PCDHGA7: variants seen among roughly 807,000 people sequenced by gnomAD.
The protein encoded by PCDHGA7 is protocadherin gamma subfamily A, 7.
A neutral mutation model predicts 58.3 loss-of-function variants in PCDHGA7; 44 were observed. That is an observed-to-expected ratio of 0.75 (90% CI 0.59 to 0.97). PCDHGA7 has a LOEUF of 0.97. Ranked by LOEUF, PCDHGA7 falls within the 50% of genes least tolerant of loss-of-function variation. The probability of loss-of-function intolerance (pLI) is 0.00; values close to 1 mark genes in which losing one functional copy is unlikely to be tolerated. For synonymous variants in PCDHGA7, 516 were observed against 504.2 expected (o/e 1.02, Z -0.31); for missense variants, 1,266 against 1,188.7 (o/e 1.06, Z -0.96).
intron 1 of PCDHGA7, chr5:141,423,522 G>A: frequency 6.2e-7 from 1 of 1,613,850 alleles, no homozygotes; most frequent in South Asian, 1.1e-5. Context: ...CGGACTCGCA[G>A]AAGAGTCACC....
At chr5:141,433,362 T>C (rs1285511534) in intron 1 of PCDHGA7, 6 of 299,814 alleles carry the variant, frequency 2.0e-5, no homozygotes, top group Non-Finnish European at 2.5e-5. Flanking sequence ...TGTCTGCCTA[T>C]CTATCTATCT....
intron 3 of PCDHGA7, among the ~76,000 whole-genome samples, chr5:141,508,533 C>A (rs1396219805): frequency 6.6e-6 from 1 of 152,160 alleles, no homozygotes; most frequent in Non-Finnish European, 1.5e-5. Flanking sequence ...CAGGGCACCC[C>A]CCACGAGGTG....
Position 141,486,087 on chromosome 5 carries a change from T to G in PCDHGA7, c.2425-8720T>G. 4 of 1,614,176 alleles carry G rather than the reference T, an allele frequency of 2.5e-6. No individual in the cohort carries two copies. The highest frequency in any genetic ancestry group is 3.4e-6 in the Non-Finnish European group (4 of 1,180,028). ...CCCACTACTGGAAAGCTTACTCTTT[T>G]GGGGCCCCTAGACTTTGAGAGTGAG... On this transcript the variant is annotated intron_variant, in intron 1 of 3. Coordinates refer to ENST00000518325, the MANE Select transcript of PCDHGA7 (RefSeq NM_018920.4). This position sits in a 1 kb window ranked among gnomAD's most constrained non-coding sequence, Gnocchi z 5.0.
At chr5:141,474,834 A>G (rs557557147) in intron 1 of PCDHGA7, among the ~76,000 whole-genome samples, 4 of 152,380 alleles carry the variant, frequency 2.6e-5, no homozygotes, top group South Asian at 4.1e-4. Context: ...ACTCTGTGCC[A>G]GGCACTTTAC....
In PCDHGA7 at chr5:141,398,686, G is replaced by A. The variant is rs2093688431; in HGVS notation, c.2424+13363G>A. On this transcript the variant is annotated intron_variant, in intron 1 of 3. Coordinates refer to ENST00000518325, the MANE Select transcript of PCDHGA7 (RefSeq NM_018920.4). ...CTCATTAATAATTAAGGAGAAACAG[G>A]ATGGTAGTAAATACCCGGAACTGGC... 3 of 1,613,920 alleles carry A rather than the reference G, an allele frequency of 1.9e-6. No individual in the cohort carries two copies. The East Asian group carries it at 6.7e-5, about 36-fold the overall frequency.
At chr5:141,433,045 C>T (rs1183696623) in intron 1 of PCDHGA7, 1 of 1,614,196 alleles carries the variant, frequency 6.2e-7, no homozygotes, top group South Asian at 1.1e-5. Flanking sequence ...TCACCACGGA[C>T]TCGCGGAAGA....
In PCDHGA7 at chr5:141,415,612, G is replaced by A. The variant is rs745660439; in HGVS notation, c.2424+30289G>A. 12 of 1,612,854 alleles carry A rather than the reference G, an allele frequency of 7.4e-6. No homozygotes were observed. The South Asian group carries it at 1.2e-4, about 16-fold the overall frequency. ...TATAGAGGATACCCCATTGGTTCCA[G>A]TGAGTTTTATTTTCATTTTTACTTT... On this transcript the variant is annotated intron_variant, in intron 1 of 3. Transcript: ENST00000518325.
At chr5:141,409,639 G>T (rs948112966) in intron 1 of PCDHGA7, 2 of 1,613,760 alleles carry the variant, frequency 1.2e-6, no homozygotes, top group African/African-American at 1.3e-5. Flanking sequence ...CCTCTGACCC[G>T]GATTTGGGGC....
At chr5:141,505,567 T>A in intron 3 of PCDHGA7, 86 bp downstream of exon 3, 2 of 1,599,440 alleles carry the variant, frequency 1.3e-6, no homozygotes, top group Non-Finnish European at 1.7e-6. Context: ...ACGGACTGGA[T>A]GTCAAACCTG....
chr5:141,400,361 C>G (rs776965891), intron 1 of PCDHGA7: 3 of 1,613,952 alleles, frequency 1.9e-6, no homozygotes, highest in Non-Finnish European at 2.5e-6. Flanking sequence ...GGGACTTTGC[C>G]TTATTCCTAC....
intron 1 of PCDHGA7, chr5:141,399,613 G>A: frequency 6.2e-7 from 1 of 1,613,928 alleles, no homozygotes; most frequent in Non-Finnish European, 8.5e-7. Context: ...AGAGCCTCTG[G>A]CACTGGCCTC....
At chr5:141,496,164 C>T (rs745320704) in intron 2 of PCDHGA7, among the ~76,000 whole-genome samples, 1 of 152,084 alleles carries the variant, frequency 6.6e-6, no homozygotes, top group Non-Finnish European at 1.5e-5. Context: ...CCACCAGACA[C>T]CCTCCCATCC....
In PCDHGA7 at chr5:141,476,321, G is replaced by GT; in HGVS notation, c.2425-18485dup. ...CCTCTCAGCCCGCAGGTTCCGGGTG[G>GT]TGTCTGGAGCTAGCCGAAGATTCTT... On this transcript the variant is annotated intron_variant, in intron 1 of 3. Coordinates refer to ENST00000518325, the MANE Select transcript of PCDHGA7 (RefSeq NM_018920.4). The surrounding 1 kb of genome is among the most constrained non-coding windows in gnomAD (Gnocchi z 7.6). The GT allele has an allele frequency of 6.2e-7, 1 of 1,614,196 alleles. No individual in the cohort carries two copies. Among genetic ancestry groups the GT allele is most frequent in the Non-Finnish European group, 8.5e-7 (1 of 1,180,050 alleles).
chr5:141,481,288 A>AGTC (rs2099535099), intron 1 of PCDHGA7, among the ~76,000 whole-genome samples: 1 of 152,188 alleles, frequency 6.6e-6, no homozygotes, highest in Admixed American at 6.5e-5. Flanking sequence ...ATGGTATTTC[A>AGTC]GTCATCTAAG....
At chr5:141,478,234 G>C (rs762337749) in intron 1 of PCDHGA7, 21 of 1,614,082 alleles carry the variant, frequency 1.3e-5, no homozygotes, top group Non-Finnish European at 1.8e-5. Flanking sequence ...TGGGGTTTGT[G>C]GTCACAGTGT....
intron 1 of PCDHGA7, among the ~76,000 whole-genome samples, chr5:141,469,187 G>T (rs147209381): frequency 5.9e-5 from 9 of 151,588 alleles, no homozygotes; most frequent in African/African-American, 1.9e-4. Context: ...GAGGCAAGAG[G>T]ATTGCTTGAG....
intron 1 of PCDHGA7, chr5:141,392,842 G>A: frequency 6.2e-7 from 1 of 1,609,312 alleles, no homozygotes. Flanking sequence ...CGCCCCAGAC[G>A]CGGCGAGCTG....
At chr5:141,398,223 G>C (rs995722310) in intron 1 of PCDHGA7, 1 of 1,482,728 alleles carries the variant, frequency 6.7e-7, no homozygotes, top group South Asian at 1.3e-5. Context: ...TCTGTGAGCA[G>C]ATCCGCTACA....
Position 141,389,013 on chromosome 5 carries a change from A to G in PCDHGA7, c.2424+3690A>G, listed in dbSNP as rs187666474. 2.5e-6 allele frequency: 4 copies of G among 1,614,010 alleles called. No homozygotes were observed. The African/African-American group carries it at 4.0e-5, about 16-fold the overall frequency. On this transcript the variant is annotated intron_variant, in intron 1 of 3. Coordinates refer to ENST00000518325, the MANE Select transcript of PCDHGA7 (RefSeq NM_018920.4). ...AGTCCGTGACAAGGATTCCAGACAC[A>G]ATGGAGAAGTGACTTGTAAATTGGA...
Sources: allele counts gnomAD v4.1 joint callset (sites outside exome capture counted in the v4.1 genomes callset), GRCh38; gene constraint gnomAD v4.1.1; non-coding constraint Gnocchi (gnomAD v3.1); transcripts MANE v1.5; gene names NCBI Gene and HGNC (gene_info 2026-07-23, HGNC 2026-07-21).